Variants in EPHA7 observed in about 807,000 individuals in gnomAD.
The protein encoded by EPHA7 is ephrin type-A receptor 7.
In EPHA7, 25 loss-of-function variants were observed where a neutral mutation model predicts 112.6. The ratio of observed to expected loss-of-function variants is 0.22; its 90% CI spans 0.16 to 0.31. The LOEUF (loss-of-function observed/expected upper bound fraction) is 0.31, where lower values mean the gene tolerates loss of function less well. EPHA7 is among the 10% of genes least tolerant of loss of function. The pLI is 1.00. For synonymous variants in EPHA7, 437 were observed against 406.5 expected (o/e 1.07, Z -0.90); for missense variants, 962 against 1,212.6 (o/e 0.79, Z 3.07).
intron 2 of EPHA7, among the ~76,000 whole-genome samples, chr6:93,412,457 T>G (rs2127995912): frequency 6.6e-6 from 1 of 152,234 alleles, no homozygotes; most frequent in East Asian, 1.9e-4. Flanking sequence ...ATTCAGAAAT[T>G]TCTTTGATGA....
At chr6:93,318,480 A>C (rs1444910896) in intron 5 of EPHA7, among the ~76,000 whole-genome samples, 1 of 152,152 alleles carries the variant, frequency 6.6e-6, no homozygotes. Context: ...AGAAAAAGAC[A>C]GGTAATGCAA....
intron 5 of EPHA7, among the ~76,000 whole-genome samples, chr6:93,304,823 A>T (rs1773168884): frequency 6.6e-6 from 1 of 152,050 alleles, no homozygotes; most frequent in African/African-American, 2.4e-5. Context: ...CTCAAAAGAC[A>T]TGCCTCAGCC....
chr6:93,418,994 G>C (rs1259475834), intron 1 of EPHA7, among the ~76,000 whole-genome samples: 2 of 152,154 alleles, frequency 1.3e-5, no homozygotes, highest in African/African-American at 4.8e-5. Context: ...CCTCCAGACT[G>C]CCCGCGCCAG....
intron 5 of EPHA7, among the ~76,000 whole-genome samples, chr6:93,290,041 T>C (rs1295934903): frequency 6.6e-6 from 1 of 152,150 alleles, no homozygotes; most frequent in Non-Finnish European, 1.5e-5. Context: ...TATTGTAATT[T>C]TCCATGTAAT....
At chr6:93,266,501 T>C (rs1022731883) in intron 7 of EPHA7, among the ~76,000 whole-genome samples, 12 of 151,746 alleles carry the variant, frequency 7.9e-5, no homozygotes, top group African/African-American at 2.9e-4. Flanking sequence ...ATGGTTAATA[T>C]TTTCATCTAT....
chr6:93,290,747 G>A (rs1772316985), intron 5 of EPHA7, among the ~76,000 whole-genome samples: 1 of 152,156 alleles, frequency 6.6e-6, no homozygotes, highest in Non-Finnish European at 1.5e-5. Context: ...CAGGGTATGA[G>A]TACCTTCCAT....
At chr6:93,276,440 A>G (rs1305410948) in intron 5 of EPHA7, among the ~76,000 whole-genome samples, 1 of 152,046 alleles carries the variant, frequency 6.6e-6, no homozygotes, top group African/African-American at 2.4e-5. Context: ...TGAGCTTGGA[A>G]GTGGATCTTC....
intron 5 of EPHA7, among the ~76,000 whole-genome samples, chr6:93,282,026 A>G (rs1179322948): frequency 6.6e-6 from 1 of 152,084 alleles, no homozygotes; most frequent in Non-Finnish European, 1.5e-5. Context: ...TGCTTAAGTA[A>G]GCTTATTAGT....
intron 3 of EPHA7, among the ~76,000 whole-genome samples, chr6:93,358,759 CTGTT>C (rs1048287417): frequency 6.6e-6 from 1 of 152,108 alleles, no homozygotes; most frequent in African/African-American, 2.4e-5. Context: ...ACATAATTAA[CTGTT>C]TGTTGGTCTG....
In EPHA7 at chr6:93,410,454, GA is replaced by G; in HGVS notation, c.832+46del. 1 of 1,526,118 alleles carries G rather than the reference GA, an allele frequency of 6.6e-7. No individual in the cohort carries two copies. Among genetic ancestry groups the G allele is most frequent in the East Asian group, 2.3e-5 (1 of 44,194 alleles). The allele number at this position is 1,526,118 out of a possible 1,614,324, so 94.5% of individuals were successfully genotyped here. ...ATTAAAGTTTAAAATGTCTGATACTGAAATTTAAAAAGGCAAAGTGGAGTTT... is the reference window on the plus strand; with the variant it reads ...ATTAAAGTTTAAAATGTCTGATACTGAATTTAAAAAGGCAAAGTGGAGTTT... On this transcript the variant is annotated intron_variant, in intron 3 of 16. Coordinates refer to ENST00000369303, the MANE Select transcript of EPHA7 (RefSeq NM_004440.4). This position sits in a 1 kb window ranked among gnomAD's most constrained non-coding sequence, Gnocchi z 4.0.
At chr6:93,403,353 G>T (rs1183380249) in intron 3 of EPHA7, among the ~76,000 whole-genome samples, 2 of 104,148 alleles carry the variant, frequency 1.9e-5, no homozygotes, top group Non-Finnish European at 3.9e-5. Context: ...ATCATGGCGG[G>T]TAGGTAAAAA....
chr6:93,301,747 G>A (rs188812469), intron 5 of EPHA7, among the ~76,000 whole-genome samples: 1 of 152,256 alleles, frequency 6.6e-6, no homozygotes, highest in East Asian at 1.9e-4. Context: ...CATAGTGAAT[G>A]TGATCTTTCT....
At chr6:93,314,612 G>A (rs1043875873) in intron 5 of EPHA7, among the ~76,000 whole-genome samples, 3 of 152,030 alleles carry the variant, frequency 2.0e-5, no homozygotes, top group Non-Finnish European at 2.9e-5. Flanking sequence ...AAAGCCATAT[G>A]AGTAGGTGTT....
intron 5 of EPHA7, among the ~76,000 whole-genome samples, chr6:93,287,235 C>T (rs954653725): frequency 5.3e-5 from 8 of 152,166 alleles, no homozygotes; most frequent in African/African-American, 1.9e-4. Context: ...ACTCTTTCCA[C>T]CTGCTGGGGA....
intron 5 of EPHA7, among the ~76,000 whole-genome samples, chr6:93,295,057 TA>T (rs982706312): frequency 2.7e-5 from 4 of 149,434 alleles, no homozygotes; most frequent in Admixed American, 6.7e-5. Flanking sequence ...GAGAAAGAGA[TA>T]AAGAGAACGA....
intron 5 of EPHA7, among the ~76,000 whole-genome samples, chr6:93,277,467 A>G (rs1050304575): frequency 2.6e-5 from 4 of 151,974 alleles, no homozygotes. Flanking sequence ...AATATTAAGA[A>G]TGATACATAT....
chr6:93,322,021 G>GA (rs1774097645), intron 5 of EPHA7, among the ~76,000 whole-genome samples: 1 of 151,708 alleles, frequency 6.6e-6, no homozygotes, highest in Non-Finnish European at 1.5e-5. Context: ...AGAGCACTGT[G>GA]AAGATTCATT....
At chr6:93,400,066 T>G (rs746386741) in intron 3 of EPHA7, among the ~76,000 whole-genome samples, 1 of 152,022 alleles carries the variant, frequency 6.6e-6, no homozygotes, top group Non-Finnish European at 1.5e-5. Context: ...GGGCATATCC[T>G]ACCGCACATC....
At chr6:93,315,023 C>T (rs929551742) in intron 5 of EPHA7, among the ~76,000 whole-genome samples, 10 of 149,526 alleles carry the variant, frequency 6.7e-5, no homozygotes, top group South Asian at 6.3e-4. Flanking sequence ...CCACCACGCC[C>T]GGCTAATTTT....
Sources: allele counts gnomAD v4.1 joint callset (sites outside exome capture counted in the v4.1 genomes callset), GRCh38; gene constraint gnomAD v4.1.1; non-coding constraint Gnocchi (gnomAD v3.1); transcripts MANE v1.5; gene names NCBI Gene and HGNC (gene_info 2026-07-23, HGNC 2026-07-21).